BCAS3: variants seen among roughly 807,000 people sequenced by gnomAD.
BCAS3 encodes BCAS3 microtubule associated cell migration factor.
Under a neutral mutation model 116.1 loss-of-function variants are expected in BCAS3, and 53 were observed. That is an observed-to-expected ratio of 0.46 (90% CI 0.37 to 0.57). BCAS3 has a LOEUF of 0.57. BCAS3 is among the 20% of genes least tolerant of loss of function. The pLI, the probability that BCAS3 is intolerant of heterozygous loss-of-function variation, is 0.00. For missense variants in BCAS3, 917 were observed against 1,165.4 expected (o/e 0.79, Z 3.10); for synonymous variants, 391 against 408.2 (o/e 0.96, Z 0.51).
At chr17:60,841,546 A>ATTTTTTTTTTTTTTTTT (rs754447784) in intron 7 of BCAS3, among the ~76,000 whole-genome samples, 14 of 123,458 alleles carry the variant, frequency 1.1e-4, no homozygotes, top group African/African-American at 4.9e-4. Context: ...CACCTGGCTA[A>ATTTTTTTTTTTTTTTTT]TTTTTTTTTT....
intron 14 of BCAS3, among the ~76,000 whole-genome samples, chr17:60,972,133 C>T (rs1416107231): frequency 6.6e-6 from 1 of 152,206 alleles, no homozygotes; most frequent in Non-Finnish European, 1.5e-5. Flanking sequence ...CCTTGGTGTA[C>T]ATGTTCGATG....
At chr17:61,052,022 G>A (rs1400731078) in intron 19 of BCAS3, among the ~76,000 whole-genome samples, 1 of 151,904 alleles carries the variant, frequency 6.6e-6, no homozygotes, top group Non-Finnish European at 1.5e-5. Context: ...AAAAAGCAAT[G>A]AACTATGGTG....
chr17:61,044,143 GAA>G (rs548566126), intron 19 of BCAS3, among the ~76,000 whole-genome samples: 1 of 150,566 alleles, frequency 6.6e-6, no homozygotes, highest in African/African-American at 2.4e-5. Context: ...TTTTTGACCA[GAA>G]AAAAAAATAT....
At chr17:60,983,670 A>G (rs1299328449) in intron 14 of BCAS3, among the ~76,000 whole-genome samples, 3 of 152,096 alleles carry the variant, frequency 2.0e-5, no homozygotes, top group Admixed American at 1.3e-4. Context: ...AAAGAAAGAA[A>G]CTCCTTTTTA....
In BCAS3 at chr17:61,098,956, C is replaced by T. The variant is rs138361191; in HGVS notation, c.2425+14392C>T. ...TGGCTAACACGGTGAAACCCCATCT[C>T]TACTAAAAATACGAAAAATTAGCCG... On this transcript the variant is annotated intron_variant, in intron 22 of 23. Coordinates refer to ENST00000407086, the MANE Select transcript of BCAS3 (RefSeq NM_017679.5). This position sits in a 1 kb window ranked among gnomAD's most constrained non-coding sequence, Gnocchi z 4.2. Among the ~76,000 whole-genome samples, 4 of 152,140 alleles carry T rather than the reference C, an allele frequency of 2.6e-5. No individual in the cohort carries two copies. Among genetic ancestry groups the T allele is most frequent in the Admixed American group, 2.6e-4 (4 of 15,278 alleles).
At chr17:60,880,057 T>C (rs2055972716) in intron 9 of BCAS3, among the ~76,000 whole-genome samples, 1 of 152,196 alleles carries the variant, frequency 6.6e-6, no homozygotes, top group African/African-American at 2.4e-5. Flanking sequence ...AGTGAATATA[T>C]ATGCAGTGAA....
intron 6 of BCAS3, among the ~76,000 whole-genome samples, chr17:60,752,670 G>T (rs1370024251): frequency 6.6e-6 from 1 of 151,994 alleles, no homozygotes; most frequent in Non-Finnish European, 1.5e-5. Context: ...TGATCCGCCT[G>T]CCTCGGCCTT....
intron 4 of BCAS3, among the ~76,000 whole-genome samples, chr17:60,696,985 AAG>A (rs2035679443): frequency 6.6e-6 from 1 of 150,680 alleles, no homozygotes; most frequent in Admixed American, 6.6e-5. Context: ...CCAGGAGTTC[AAG>A]ACCAGCCTGG....
At chr17:60,879,516 G>T (rs117517957) in intron 9 of BCAS3, among the ~76,000 whole-genome samples, 1 of 152,116 alleles carries the variant, frequency 6.6e-6, no homozygotes, top group African/African-American at 2.4e-5. Context: ...AGAAAAAGTC[G>T]CCTTGAGCAG....
chr17:60,815,146 G>A lies in BCAS3; in HGVS notation c.476+7070G>A, dbSNP rs867687508. ...AGGATGAGTTCATGTCCTTTGTAGG[G>A]ACATGGATGAAGCTGGAAACCATCA... On this transcript the variant is annotated intron_variant, in intron 7 of 23. Transcript: ENST00000407086. Among the ~76,000 whole-genome samples the A allele has an allele frequency of 2.6e-5, 4 of 152,278 alleles. No individual in the cohort carries two copies. In the South Asian group the frequency reaches 8.3e-4, roughly 32 times the overall value.
In BCAS3 at chr17:61,315,701, C is replaced by A. The variant is rs1422940386; in HGVS notation, c.2426-52626C>A. Among the ~76,000 whole-genome samples the A allele has an allele frequency of 6.6e-6, 1 of 152,200 alleles. No individual in the cohort carries two copies. The highest frequency in any genetic ancestry group is 1.5e-5 in the Non-Finnish European group (1 of 68,036). On this transcript the variant is annotated intron_variant, in intron 22 of 23. Coordinates refer to ENST00000407086, the MANE Select transcript of BCAS3 (RefSeq NM_017679.5). This position sits in a 1 kb window ranked among gnomAD's most constrained non-coding sequence, Gnocchi z 5.3. Reference sequence around the variant, plus strand: ...GGAATGTGACCAGGCTGACTGACCCCCCGTTTCATGCCCCACGCCTTTGCT... The same window carrying A: ...GGAATGTGACCAGGCTGACTGACCCACCGTTTCATGCCCCACGCCTTTGCT...
chr17:61,137,014 T>TA (rs556078281), intron 22 of BCAS3, among the ~76,000 whole-genome samples: 8 of 152,174 alleles, frequency 5.3e-5, no homozygotes, highest in Non-Finnish European at 1.0e-4. Flanking sequence ...AAAACTTTTT[T>TA]AAAAAAAGTA....
At chr17:60,916,103 G>T (rs1193085107) in intron 12 of BCAS3, among the ~76,000 whole-genome samples, 1 of 152,178 alleles carries the variant, frequency 6.6e-6, no homozygotes, top group African/African-American at 2.4e-5. Context: ...TATGAATAAA[G>T]CTGTCGTGAT....
chr17:61,244,300 A>G lies in BCAS3; in HGVS notation c.2426-124027A>G, dbSNP rs1414258472. Reference sequence around the variant, plus strand: ...ATTTGTATACACACATATATACGCTATTGTTTGTAAAATGAAATCACACTG... The same window carrying G: ...ATTTGTATACACACATATATACGCTGTTGTTTGTAAAATGAAATCACACTG... On this transcript the variant is annotated intron_variant, in intron 22 of 23. Transcript: ENST00000407086. The surrounding 1 kb of genome is among the most constrained non-coding windows in gnomAD (Gnocchi z 4.9). Among the ~76,000 whole-genome samples, 1 of 152,140 alleles carries G rather than the reference A, an allele frequency of 6.6e-6. No homozygotes were observed. Among genetic ancestry groups the G allele is most frequent in the African/African-American group, 2.4e-5 (1 of 41,450 alleles).
At position 60,924,518 on chromosome 17, in the gene BCAS3, C is replaced by CT. The variant is rs75229063; in HGVS notation, c.1087+36dup. The stretch of plus-strand genomic sequence containing the variant: ...TACAAGTGGTAAGTTCGCTCTCTGT[C>CT]TTTTTTTTTTTTTTTTTTGTAGACC... On this transcript the variant is annotated intron_variant, in intron 13 of 23. Coordinates refer to ENST00000407086, the MANE Select transcript of BCAS3 (RefSeq NM_017679.5). 98,304 of 1,091,108 alleles carry CT rather than the reference C, an allele frequency of 0.09. 479 individuals carry two copies. Among genetic ancestry groups the CT allele is most frequent in the African/African-American group, 0.16 (9,016 of 54,940 alleles). 67.6% of individuals were successfully genotyped at this position (1,091,108 alleles called of 1,614,324 possible).
Position 61,015,797 on chromosome 17 carries a change from C to G in BCAS3, c.1533C>G (p.Asn511Lys). 6.2e-7 allele frequency: 1 copy of G among 1,613,958 alleles called. No homozygotes were observed. The highest frequency in any genetic ancestry group is 8.5e-7 in the Non-Finnish European group (1 of 1,179,922). Residue 511 changes from asparagine to lysine, a missense_variant, in exon 16 of 24, where the codon AAC becomes AAG. Transcript: ENST00000407086. ...QDSYNNFTNN[N>K]PGNPRLSPLP... ...CCTATAACAATTTTACCAACAACAA[C>G]CCTGGCAACCCTCGGCTCTCTCCTC...
chr17:60,741,636 T>G, intron 5 of BCAS3, among the ~76,000 whole-genome samples: 1 of 152,202 alleles, frequency 6.6e-6, no homozygotes, highest in Admixed American at 6.5e-5. Flanking sequence ...GGAGACTGAT[T>G]TATGCATTTC....
intron 7 of BCAS3, among the ~76,000 whole-genome samples, chr17:60,857,028 A>T (rs191366457): frequency 6.6e-6 from 1 of 152,212 alleles, no homozygotes; most frequent in Admixed American, 6.5e-5. Context: ...GGTCAAATGT[A>T]CAGTAGGTAA....
chr17:60,719,259 G>A (rs1365075741), intron 5 of BCAS3, among the ~76,000 whole-genome samples: 1 of 152,194 alleles, frequency 6.6e-6, no homozygotes, highest in Non-Finnish European at 1.5e-5. Context: ...CGAATCGTTT[G>A]TTATTGGCAG....
Sources: allele counts gnomAD v4.1 joint callset (sites outside exome capture counted in the v4.1 genomes callset), GRCh38; gene constraint gnomAD v4.1.1; non-coding constraint Gnocchi (gnomAD v3.1); transcripts MANE v1.5; gene names NCBI Gene and HGNC (gene_info 2026-07-23, HGNC 2026-07-21).